The following SPAG16 variants were observed in gnomAD, a reference collection of about 807,000 sequenced individuals.
SPAG16 encodes sperm-associated antigen 16 protein.
Under a neutral mutation model 80.4 loss-of-function variants are expected in SPAG16, and 86 were observed. The observed-to-expected ratio is 1.07, with a 90% CI of 0.90 to 1.28. The LOEUF is 1.28. Among genes scored for constraint, SPAG16 ranks in the 50% most tolerant of loss-of-function variants. The probability of loss-of-function intolerance (pLI) is 0.00; values close to 1 mark genes in which losing one functional copy is unlikely to be tolerated. For missense variants in SPAG16, 870 were observed against 765.3 expected, an observed-to-expected ratio of 1.14 and a Z score of -1.61; for synonymous variants, 294 against 265.9, an observed-to-expected ratio of 1.11 and a Z score of -1.03.
intron 13 of SPAG16, among the ~76,000 whole-genome samples, chr2:214,041,055 T>G (rs899119261): frequency 6.6e-6 from 1 of 152,054 alleles, no homozygotes; most frequent in African/African-American, 2.4e-5. Context: ...TTATTTTCTT[T>G]GTTGTTTTTC....
chr2:213,638,731 G>A lies in SPAG16; in HGVS notation c.1070+148641G>A, dbSNP rs574574882. On this transcript the variant is annotated intron_variant, in intron 10 of 15. Transcript: ENST00000331683. ...ATGTATATTCTACAGTTGCTAGGTA[G>A]AATGTTCTGTAGGTATTTGTTAAGC... 7.1e-4 allele frequency among the ~76,000 whole-genome samples: 108 copies of A among 152,242 alleles called. 3 individuals are homozygous for A. In the South Asian group the frequency reaches 0.022, roughly 31 times the overall value.
chr2:214,161,612 G>A (rs1033130098), intron 15 of SPAG16, among the ~76,000 whole-genome samples: 35 of 152,018 alleles, frequency 2.3e-4, no homozygotes, highest in African/African-American at 8.0e-4. Context: ...TTTGGGAAGT[G>A]TCTGTTGGAC....
At chr2:213,287,510 G>C (rs2062098233) in intron 1 of SPAG16, among the ~76,000 whole-genome samples, 1 of 152,200 alleles carries the variant, frequency 6.6e-6, no homozygotes, top group Non-Finnish European at 1.5e-5. Flanking sequence ...CCCTAGGAAA[G>C]TGGAGCTTCA....
At chr2:213,643,348 TTATATATATATATATATA>T (rs61608932) in intron 10 of SPAG16, among the ~76,000 whole-genome samples, 556 of 39,032 alleles carry the variant, frequency 0.014, 22 homozygotes, top group Admixed American at 0.041. Context: ...GATCTTAATT[TTATATATATATATATATA>T]TATATATATA....
intron 13 of SPAG16, among the ~76,000 whole-genome samples, chr2:214,068,525 C>G (rs1020988394): frequency 5.3e-5 from 8 of 151,990 alleles, no homozygotes; most frequent in South Asian, 2.1e-4. Flanking sequence ...GGTACAAGGT[C>G]TGACTCAGAG....
At chr2:213,768,562 T>C (rs1260335064) in intron 10 of SPAG16, among the ~76,000 whole-genome samples, 2 of 152,198 alleles carry the variant, frequency 1.3e-5, no homozygotes, top group Non-Finnish European at 2.9e-5. Flanking sequence ...GAAAGAGATC[T>C]AAATTTTGAA....
chr2:213,988,866 C>T (rs575185014), intron 12 of SPAG16, among the ~76,000 whole-genome samples: 1 of 152,102 alleles, frequency 6.6e-6, no homozygotes, highest in East Asian at 1.9e-4. Context: ...TGAAAATTCT[C>T]CCCAAATTAA....
intron 9 of SPAG16, among the ~76,000 whole-genome samples, chr2:213,432,896 A>T (rs960421478): frequency 1.3e-5 from 2 of 152,194 alleles, no homozygotes; most frequent in African/African-American, 4.8e-5. Flanking sequence ...CAAAAAGATA[A>T]TACACCATGA....
intron 10 of SPAG16, among the ~76,000 whole-genome samples, chr2:213,800,761 G>A (rs2071346417): frequency 6.6e-6 from 1 of 152,148 alleles, no homozygotes; most frequent in South Asian, 2.1e-4. Flanking sequence ...TACCAAATTT[G>A]TAGTGATGCT....
At chr2:213,629,086 C>T (rs2062055405) in intron 10 of SPAG16, among the ~76,000 whole-genome samples, 1 of 152,114 alleles carries the variant, frequency 6.6e-6, no homozygotes, top group Admixed American at 6.5e-5. Context: ...AACTCATAAG[C>T]AAAGGACTGG....
intron 14 of SPAG16, among the ~76,000 whole-genome samples, chr2:214,147,975 G>A (rs938513239): frequency 2.6e-5 from 4 of 152,028 alleles, no homozygotes; most frequent in African/African-American, 4.8e-5. Context: ...GGATAATTAA[G>A]GTATTAACAT....
intron 13 of SPAG16, among the ~76,000 whole-genome samples, chr2:214,081,939 T>G (rs915785888): frequency 6.6e-6 from 1 of 151,926 alleles, no homozygotes; most frequent in Non-Finnish European, 1.5e-5. Flanking sequence ...TCATTAGAAC[T>G]CAAGAGAGCT....
chr2:214,012,992 C>T (rs1473257715), intron 12 of SPAG16, among the ~76,000 whole-genome samples: 1 of 152,066 alleles, frequency 6.6e-6, no homozygotes, highest in African/African-American at 2.4e-5. Flanking sequence ...ATTTCAGACA[C>T]GTTTCCAAGT....
chr2:213,834,519 G>C (rs536949915), intron 10 of SPAG16, among the ~76,000 whole-genome samples: 2 of 152,272 alleles, frequency 1.3e-5, no homozygotes, highest in South Asian at 4.1e-4. Flanking sequence ...TATGGGCCAA[G>C]ACCCATCTGG....
intron 11 of SPAG16, among the ~76,000 whole-genome samples, chr2:213,865,857 A>G (rs2075661061): frequency 6.7e-6 from 1 of 148,186 alleles, no homozygotes; most frequent in African/African-American, 2.4e-5. Context: ...TATATTAATA[A>G]GTAAGAAAAC....
intron 9 of SPAG16, among the ~76,000 whole-genome samples, chr2:213,478,241 A>G (rs1473353046): frequency 1.3e-5 from 2 of 152,190 alleles, no homozygotes; most frequent in African/African-American, 4.8e-5. Flanking sequence ...GGACTAATAC[A>G]GGGTTGTATA....
At chr2:213,735,804 G>A (rs557995643) in intron 10 of SPAG16, among the ~76,000 whole-genome samples, 1 of 152,328 alleles carries the variant, frequency 6.6e-6, no homozygotes, top group East Asian at 1.9e-4. Flanking sequence ...TTATTTCATA[G>A]CATTGTGAAG....
intron 10 of SPAG16, among the ~76,000 whole-genome samples, chr2:213,541,453 T>C (rs2076444062): frequency 6.6e-6 from 1 of 151,976 alleles, no homozygotes; most frequent in Non-Finnish European, 1.5e-5. Flanking sequence ...ATCTCTTCTC[T>C]ACTAAAAATA....
chr2:213,700,273 C>T (rs2065348810), intron 10 of SPAG16, among the ~76,000 whole-genome samples: 1 of 151,398 alleles, frequency 6.6e-6, no homozygotes, highest in Non-Finnish European at 1.5e-5. Context: ...AAACCATTTC[C>T]ATAGAAATAG....
Sources: allele counts gnomAD v4.1 joint callset (sites outside exome capture counted in the v4.1 genomes callset), GRCh38; gene constraint gnomAD v4.1.1; transcripts MANE v1.5; gene names NCBI Gene and HGNC (gene_info 2026-07-23, HGNC 2026-07-21).